Variants in OR56A3 observed in about 807,000 individuals in gnomAD.
The protein encoded by OR56A3 is olfactory receptor family 56 subfamily A member 3.
A neutral mutation model predicts 17.5 loss-of-function variants in OR56A3; 23 were observed. The observed-to-expected ratio is 1.32, with a 90% CI of 0.95 to 1.87. The LOEUF is 1.87. Ranked by LOEUF, OR56A3 falls within the 40% of genes most tolerant of loss-of-function variation. The pLI, the probability that OR56A3 is intolerant of heterozygous loss-of-function variation, is 0.00. For missense variants in OR56A3, 366 were observed against 380.1 expected (o/e 0.96, Z 0.31); for synonymous variants, 175 against 150.6 (o/e 1.16, Z -1.19).
At chr11:5,989,794 G>T in the OR56A3 span, among the ~76,000 whole-genome samples, 382 of 152,180 alleles carry the variant, frequency 2.5e-3, 4 homozygotes, top group African/African-American at 8.8e-3. Context: ...TAAATAAATT[G>T]CAATTAATTG....
Position 5,951,207 on chromosome 11 carries a change from G to T in OR56A3, c.*2913G>T, listed in dbSNP as rs1304614736. On this transcript the variant is annotated 3_prime_UTR_variant, in exon 3 of 3. Coordinates refer to ENST00000641160, the MANE Select transcript of OR56A3 (RefSeq NM_001003443.3). ...GAGTTAAACTTAAGATCCTAAGGAAGAATGTAAATGGGTATTTACTCATAA... is the reference window on the plus strand; with the variant it reads ...GAGTTAAACTTAAGATCCTAAGGAATAATGTAAATGGGTATTTACTCATAA... 19 of 152,040 alleles carry T rather than the reference G, an allele frequency of 1.2e-4. No homozygotes were observed. Among genetic ancestry groups the T allele is most frequent in the Non-Finnish European group, 5.9e-5 (4 of 67,972 alleles). 9.4% of individuals were successfully genotyped at this position (152,040 alleles called of 1,614,324 possible). A position where few individuals can be genotyped will look rare whatever the true frequency, so the allele number is the denominator to read the frequency against.
In OR56A3 at chr11:5,944,850, G is replaced by A. The variant is rs1847858821; in HGVS notation, c.-269G>A. On this transcript the variant is annotated 5_prime_UTR_variant, in exon 2 of 3. It adds an upstream start codon to the 5' untranslated region. Coordinates refer to ENST00000641160, the MANE Select transcript of OR56A3 (RefSeq NM_001003443.3). Reference sequence around the variant, plus strand: ...TATCTAAATCTCTTCTATATATGAGGTGAAGGGCCATGCCTGGCAGACTAC... The same window carrying A: ...TATCTAAATCTCTTCTATATATGAGATGAAGGGCCATGCCTGGCAGACTAC... The A allele has an allele frequency of 6.6e-6, 1 of 152,154 alleles. No homozygotes were observed. The highest frequency in any genetic ancestry group is 1.5e-5 in the Non-Finnish European group (1 of 68,034). The allele number at this position is 152,154 out of a possible 1,614,324, so 9.4% of individuals were successfully genotyped here.
At chr11:5,952,886 T>C (rs776797070), downstream of OR56A3, among the ~76,000 whole-genome samples, 2 of 152,196 alleles carry the variant, frequency 1.3e-5, no homozygotes, top group Non-Finnish European at 2.9e-5. Context: ...CCTCCATTTA[T>C]AAGTGAAAGC....
the OR56A3 span, among the ~76,000 whole-genome samples, chr11:6,016,029 A>G: frequency 6.6e-6 from 1 of 152,126 alleles, no homozygotes; most frequent in East Asian, 1.9e-4. Context: ...GTCGAATTGT[A>G]ATCTCCAATG....
chr11:5,994,796 T>A, the OR56A3 span: 14 of 754,540 alleles, frequency 1.9e-5, no homozygotes, highest in South Asian at 1.6e-4. Flanking sequence ...CCAGTCTACC[T>A]GGGGTCCCTT....
chr11:6,003,014 G>A, the OR56A3 span: 1 of 1,614,006 alleles, frequency 6.2e-7, no homozygotes, highest in Admixed American at 1.7e-5. Flanking sequence ...TGATCAATCT[G>A]GAGACCCAGT....
chr11:5,971,288 A>G, the OR56A3 span, among the ~76,000 whole-genome samples: 1 of 152,188 alleles, frequency 6.6e-6, no homozygotes, highest in African/African-American at 2.4e-5. Flanking sequence ...GCAATCCACC[A>G]AGGCAGAAAA....
chr11:5,974,095 C>G, the OR56A3 span, among the ~76,000 whole-genome samples: 1 of 145,810 alleles, frequency 6.9e-6, no homozygotes, highest in Non-Finnish European at 1.5e-5. Context: ...TATAAATAGT[C>G]TCTTTATTAA....
the OR56A3 span, chr11:6,019,644 T>A: frequency 6.6e-6 from 1 of 152,082 alleles, no homozygotes; most frequent in African/African-American, 2.4e-5. Context: ...TCATGAGAAT[T>A]ATGGGTGCAG....
chr11:6,014,989 CAAA>C, the OR56A3 span, among the ~76,000 whole-genome samples: 168 of 35,178 alleles, frequency 4.8e-3, 1 homozygote, highest in Middle Eastern at 0.056. Flanking sequence ...TATTCATGGG[CAAA>C]AAAAAAAAAA....
rs2134362956 is a variant in OR56A3, at chr11:5,947,547, C to T, written c.201C>T (p.Leu67=). ...ASLHQPLYYL[L]SLLSLLDIVL... ...TGCACCAGCCCCTGTACTACCTGCT[C>T]AGCCTCCTCTCCCTGCTGGACATCG... The change falls in exon 3 of 3, where the codon CTC becomes CTT. Residue 67 remains leucine (L), a synonymous_variant. Transcript: ENST00000641160. 6.2e-7 allele frequency: 1 copy of T among 1,614,190 alleles called. No individual in the cohort carries two copies. Among genetic ancestry groups the T allele is most frequent in the Non-Finnish European group, 8.5e-7 (1 of 1,180,048 alleles).
the OR56A3 span, chr11:6,000,692 T>G: frequency 6.6e-6 from 1 of 152,122 alleles, no homozygotes; most frequent in Non-Finnish European, 1.5e-5. Context: ...AAGGCTGATG[T>G]GAGAAGCATC....
At chr11:5,998,055 T>C in the OR56A3 span, among the ~76,000 whole-genome samples, 2 of 152,196 alleles carry the variant, frequency 1.3e-5, no homozygotes, top group Admixed American at 6.5e-5. Flanking sequence ...CTGGAGAGGA[T>C]GCTGAGACAC....
At chr11:5,947,096 A>G (rs1847874395) in intron 2 of OR56A3, among the ~76,000 whole-genome samples, 1 of 152,250 alleles carries the variant, frequency 6.6e-6, no homozygotes. Context: ...GACATTGAAT[A>G]AAGTAAACAT....
At chr11:5,961,264 CATT>C in the OR56A3 span, among the ~76,000 whole-genome samples, 1 of 152,192 alleles carries the variant, frequency 6.6e-6, no homozygotes, top group African/African-American at 2.4e-5. Flanking sequence ...CCCAACAGCT[CATT>C]GAGAACGGGC....
intron 2 of OR56A3, among the ~76,000 whole-genome samples, chr11:5,946,101 A>G (rs1054202476): frequency 7.2e-5 from 11 of 152,202 alleles, no homozygotes; most frequent in South Asian, 2.1e-4. Flanking sequence ...TGTTCTTTCT[A>G]TGGGCTGTCT....
At chr11:6,021,703 ACAAACCCC>A in the OR56A3 span, 1 of 152,150 alleles carries the variant, frequency 6.6e-6, no homozygotes, top group Non-Finnish European at 1.5e-5. Flanking sequence ...TAATAAAGGC[ACAAACCCC>A]CAAAGGCAGA....
At position 5,948,509 on chromosome 11, in the gene OR56A3, T is replaced by C; in HGVS notation, c.*215T>C. On this transcript the variant is annotated 3_prime_UTR_variant, in exon 3 of 3. Transcript: ENST00000641160. Reference sequence around the variant, plus strand: ...CTTGGCCCTCTCTCGTTTTATTCCATGCTTATAATCATATTTTGTCCAAAA... The same window carrying C: ...CTTGGCCCTCTCTCGTTTTATTCCACGCTTATAATCATATTTTGTCCAAAA... 1.9e-6 allele frequency: 1 copy of C among 519,954 alleles called. No individual in the cohort carries two copies. The allele number at this position is 519,954 out of a possible 1,614,324, so 32.2% of individuals were successfully genotyped here.
the OR56A3 span, among the ~76,000 whole-genome samples, chr11:5,992,826 A>G: frequency 1.3e-5 from 2 of 152,158 alleles, no homozygotes; most frequent in Admixed American, 1.3e-4. Flanking sequence ...CACTAGGTGG[A>G]GCGAAGCTTC....
Sources: gnomAD v4.1 joint callset for allele counts (sites outside exome capture counted in the v4.1 genomes callset) on GRCh38, gnomAD v4.1.1 for gene constraint, MANE v1.5 for transcripts, NCBI Gene and HGNC (gene_info 2026-07-23, HGNC 2026-07-21) for gene names.